The following PCDHA6 variants were observed in gnomAD, a reference collection of about 807,000 sequenced individuals.
PCDHA6 encodes protocadherin alpha-6.
In PCDHA6, 55 loss-of-function variants were observed where a neutral mutation model predicts 60.3. That is an observed-to-expected ratio of 0.91 (90% confidence interval 0.73 to 1.14). PCDHA6 has a LOEUF of 1.14. PCDHA6 is among the 50% of genes most tolerant of loss of function. The pLI is 0.00. For synonymous variants in PCDHA6, 652 were observed against 557.9 expected (o/e 1.17, Z -2.38); for missense variants, 1,327 against 1,256.5 (o/e 1.06, Z -0.85).
At chr5:140,969,610 GA>G in intron 1 of PCDHA6, 1 of 723,542 alleles carries the variant, frequency 1.4e-6, no homozygotes, top group East Asian at 2.8e-5. Context: ...CTAAAACACA[GA>G]TTTGTAGAGA....
At chr5:140,884,129 C>T (rs1554181252) in intron 1 of PCDHA6, 1 of 1,613,420 alleles carries the variant, frequency 6.2e-7, no homozygotes, top group Non-Finnish European at 8.5e-7. Context: ...CGCGCGCATC[C>T]CGTTCCGCGT....
chr5:140,927,277 G>T, intron 1 of PCDHA6: 1 of 1,614,016 alleles, frequency 6.2e-7, no homozygotes, highest in Non-Finnish European at 8.5e-7. Context: ...TGCCGGCGAC[G>T]TGCAGCTGCA....
At chr5:140,873,665 A>G (rs1554166831) in intron 1 of PCDHA6, among the ~76,000 whole-genome samples, 1 of 152,034 alleles carries the variant, frequency 6.6e-6, no homozygotes. Flanking sequence ...CACTATTATT[A>G]TTTGTTTCTT....
intron 1 of PCDHA6, among the ~76,000 whole-genome samples, chr5:140,935,451 T>C (rs2090381894): frequency 6.6e-6 from 1 of 152,232 alleles, no homozygotes; most frequent in African/African-American, 2.4e-5. Context: ...AATATGATAC[T>C]GTAGCAGTTT....
At chr5:140,967,708 C>A (rs782464741) in intron 1 of PCDHA6, 1 of 1,614,158 alleles carries the variant, frequency 6.2e-7, no homozygotes, top group Admixed American at 1.7e-5. Context: ...ATGCCAGTAC[C>A]GGGGAAGTGC....
At chr5:140,930,582 T>C in intron 1 of PCDHA6, 1 of 152,540 alleles carries the variant, frequency 6.6e-6, no homozygotes, top group East Asian at 1.9e-4. Flanking sequence ...GTATTACTTT[T>C]TGACTTCTCA....
chr5:140,863,258 G>A lies in PCDHA6; in HGVS notation c.2394+32773G>A, dbSNP rs1456133535. On this transcript the variant is annotated intron_variant, in intron 1 of 3. Transcript: ENST00000529310. The stretch of plus-strand genomic sequence containing the variant: ...CGGGCTTTGGCGGGCGTCGAGGTCC[G>A]GGAGGCAGCGCTGGTGGATGTCAAC... 8 of 1,445,594 alleles carry A rather than the reference G, an allele frequency of 5.5e-6. No homozygotes were observed. In the Admixed American group the frequency reaches 9.0e-5, roughly 16 times the overall value. The allele number at this position is 1,445,594 out of a possible 1,614,324, so 89.5% of individuals were successfully genotyped here.
chr5:140,946,298 G>A (rs1670826449), intron 1 of PCDHA6, among the ~76,000 whole-genome samples: 1 of 151,840 alleles, frequency 6.6e-6, no homozygotes, highest in Admixed American at 6.6e-5. Flanking sequence ...CCTCACACCT[G>A]GTAGAATGGC....
intron 3 of PCDHA6, among the ~76,000 whole-genome samples, chr5:141,003,429 A>G (rs782300910): frequency 6.6e-5 from 10 of 152,138 alleles, no homozygotes; most frequent in Non-Finnish European, 1.3e-4. Flanking sequence ...CTTATGCCTC[A>G]GCCTCCCAAG....
chr5:140,961,027 C>G (rs1222428259), intron 1 of PCDHA6, among the ~76,000 whole-genome samples: 1 of 152,164 alleles, frequency 6.6e-6, no homozygotes, highest in Non-Finnish European at 1.5e-5. Flanking sequence ...CTTGCTACCT[C>G]CTTGTTTTGA....
At chr5:140,997,566 T>G (rs1366934494) in intron 3 of PCDHA6, among the ~76,000 whole-genome samples, 1 of 152,208 alleles carries the variant, frequency 6.6e-6, no homozygotes, top group Non-Finnish European at 1.5e-5. Context: ...AACTGTCATA[T>G]GTGTGGTCCG....
intron 1 of PCDHA6, among the ~76,000 whole-genome samples, chr5:140,973,299 T>C (rs1191449890): frequency 1.3e-5 from 2 of 152,198 alleles, no homozygotes; most frequent in African/African-American, 4.8e-5. Flanking sequence ...TTCTATCTGA[T>C]GACTCTATCC....
Position 140,870,243 on chromosome 5 carries a change from C to A in PCDHA6, c.2394+39758C>A, listed in dbSNP as rs782592982. 3.1e-6 allele frequency: 5 copies of A among 1,614,176 alleles called. No homozygotes were observed. The East Asian group carries it at 6.7e-5, about 22-fold the overall frequency. On this transcript the variant is annotated intron_variant, in intron 1 of 3. Transcript: ENST00000529310. Reference sequence around the variant, plus strand: ...GCGTGTCTGACCGTGACTCAGGTGTCAACGGACAGGTGACCTGCTCGCTGA... The same window carrying A: ...GCGTGTCTGACCGTGACTCAGGTGTAAACGGACAGGTGACCTGCTCGCTGA...
intron 1 of PCDHA6, among the ~76,000 whole-genome samples, chr5:140,910,646 G>T (rs1490115049): frequency 6.6e-6 from 1 of 152,158 alleles, no homozygotes; most frequent in Non-Finnish European, 1.5e-5. Flanking sequence ...TAAACCTTTT[G>T]ATCCCTTCCT....
At chr5:140,939,428 G>A (rs1417323934) in intron 1 of PCDHA6, among the ~76,000 whole-genome samples, 2 of 152,128 alleles carry the variant, frequency 1.3e-5, no homozygotes, top group Admixed American at 6.5e-5. Flanking sequence ...TCTTCCATAA[G>A]CATTTGAAGA....
At chr5:140,972,906 C>T (rs1554234702) in intron 1 of PCDHA6, among the ~76,000 whole-genome samples, 1 of 152,048 alleles carries the variant, frequency 6.6e-6, no homozygotes, top group African/African-American at 2.4e-5. Context: ...TTGTGATCCA[C>T]CCGCCTTGGC....
chr5:140,870,759 G>C, intron 1 of PCDHA6: 1 of 1,613,572 alleles, frequency 6.2e-7, no homozygotes, highest in South Asian at 1.1e-5. Context: ...CGCTGCAGGT[G>C]TTCGTGCTGG....
Position 140,946,631 on chromosome 5 carries a change from T to TATATATATATATATATATATATATAC in PCDHA6, c.2395-32317_2395-32316insTATATATATATATATATATATATACA, listed in dbSNP as rs57893927. ...TGTGAAATATATATATATATATATA[T>TATATATATATATATATATATATATAC]ACAATGGAATACTCATCAGCCATTA... On this transcript the variant is annotated intron_variant, in intron 1 of 3. Coordinates refer to ENST00000529310, the MANE Select transcript of PCDHA6 (RefSeq NM_018909.4). 3.1e-3 allele frequency among the ~76,000 whole-genome samples: 414 copies of TATATATATATATATATATATATATAC among 131,704 alleles called. 27 individuals carry two copies. Among genetic ancestry groups the TATATATATATATATATATATATATAC allele is most frequent in the African/African-American group, 0.013 (382 of 28,586 alleles). 86.4% of individuals were successfully genotyped at this position (131,704 alleles called of 152,430 possible). A position where few individuals can be genotyped will look rare whatever the true frequency, so the allele number is the denominator to read the frequency against.
chr5:140,841,461 G>A, intron 1 of PCDHA6: 2 of 1,612,908 alleles, frequency 1.2e-6, no homozygotes, highest in Non-Finnish European at 1.7e-6. Flanking sequence ...TTCGTGGGCC[G>A]GATCGCGCAG....
Sources: gnomAD v4.1 joint callset for allele counts (sites outside exome capture counted in the v4.1 genomes callset) on GRCh38, gnomAD v4.1.1 for gene constraint, MANE v1.5 for transcripts, NCBI Gene and HGNC (gene_info 2026-07-23, HGNC 2026-07-21) for gene names.